The following CADM2 variants were observed in gnomAD, a reference collection of about 807,000 sequenced individuals.
CADM2 encodes the protein immunoglobulin superfamily member 4D.
Under a neutral mutation model 49.8 loss-of-function variants are expected in CADM2, and 12 were observed. The observed-to-expected ratio is 0.24, with a 90% confidence interval of 0.15 to 0.39. The LOEUF is 0.39. CADM2 is among the 10% of genes least tolerant of loss of function. The probability of loss-of-function intolerance (pLI) is 1.00; values close to 1 mark genes in which losing one functional copy is unlikely to be tolerated. For missense variants in CADM2, 378 were observed against 492.3 expected (o/e 0.77, Z 2.20); for synonymous variants, 214 against 175.4 (o/e 1.22, Z -1.74).
At chr3:85,014,422 A>G (rs2034153191) in intron 1 of CADM2, among the ~76,000 whole-genome samples, 1 of 152,128 alleles carries the variant, frequency 6.6e-6, no homozygotes, top group African/African-American at 2.4e-5. Context: ...ATAAGTATGT[A>G]CACATAGGAA....
chr3:85,361,631 G>A (rs1257579517), intron 1 of CADM2, among the ~76,000 whole-genome samples: 1 of 152,068 alleles, frequency 6.6e-6, no homozygotes. Flanking sequence ...CATGTGAGAG[G>A]GTGGCTTTCT....
intron 3 of CADM2, among the ~76,000 whole-genome samples, chr3:85,847,360 G>A (rs1435015297): frequency 6.6e-6 from 1 of 152,148 alleles, no homozygotes; most frequent in Non-Finnish European, 1.5e-5. Context: ...TAGTGATCTA[G>A]GTAAGATTTG....
At chr3:85,991,867 A>C (rs1041471946) in intron 8 of CADM2, among the ~76,000 whole-genome samples, 2 of 152,046 alleles carry the variant, frequency 1.3e-5, no homozygotes, top group Non-Finnish European at 2.9e-5. Flanking sequence ...CTCACTACTC[A>C]TCTTTGATAT....
At chr3:85,228,503 G>A (rs932384141) in intron 1 of CADM2, among the ~76,000 whole-genome samples, 1 of 151,834 alleles carries the variant, frequency 6.6e-6, no homozygotes, top group African/African-American at 2.4e-5. Context: ...GGGATTTGGT[G>A]TGGACGTCCT....
chr3:85,680,672 A>C (rs905852614), intron 1 of CADM2, among the ~76,000 whole-genome samples: 2 of 152,170 alleles, frequency 1.3e-5, no homozygotes, highest in Non-Finnish European at 2.9e-5. Flanking sequence ...TTTTAATAGA[A>C]CTTTGCTTTG....
chr3:85,301,160 A>G (rs1373834565), intron 1 of CADM2, among the ~76,000 whole-genome samples: 1 of 152,100 alleles, frequency 6.6e-6, no homozygotes, highest in Non-Finnish European at 1.5e-5. Flanking sequence ...TGAGGGGCCT[A>G]CATTTCAGGA....
intron 1 of CADM2, among the ~76,000 whole-genome samples, chr3:85,212,230 C>T (rs149333846): frequency 6.6e-6 from 1 of 152,116 alleles, no homozygotes; most frequent in African/African-American, 2.4e-5. Flanking sequence ...TATTCGGCCA[C>T]CCTAAGTCTA....
At chr3:85,209,130 C>T (rs1452716983) in intron 1 of CADM2, among the ~76,000 whole-genome samples, 2 of 152,012 alleles carry the variant, frequency 1.3e-5, no homozygotes, top group Admixed American at 6.6e-5. Context: ...TTTGTTTTTC[C>T]TCCAAAATAC....
intron 1 of CADM2, among the ~76,000 whole-genome samples, chr3:85,664,148 G>A (rs2065493030): frequency 6.6e-6 from 1 of 151,890 alleles, no homozygotes; most frequent in Non-Finnish European, 1.5e-5. Flanking sequence ...CTTTGGCTAA[G>A]TCCCTGGACT....
At chr3:85,819,884 G>C (rs1213463856) in intron 3 of CADM2, among the ~76,000 whole-genome samples, 1 of 152,108 alleles carries the variant, frequency 6.6e-6, no homozygotes, top group Non-Finnish European at 1.5e-5. Flanking sequence ...CAAAATAAAT[G>C]AGTGAACATA....
chr3:85,165,037 C>T (rs889145314), intron 1 of CADM2, among the ~76,000 whole-genome samples: 1 of 151,064 alleles, frequency 6.6e-6, no homozygotes, highest in Non-Finnish European at 1.5e-5. Flanking sequence ...AAAAGTACTC[C>T]GAAATTTAAA....
chr3:85,419,052 T>C (rs908020298), intron 1 of CADM2, among the ~76,000 whole-genome samples: 8 of 152,120 alleles, frequency 5.3e-5, no homozygotes, highest in Admixed American at 5.2e-4. Flanking sequence ...GGCCTGCTGG[T>C]TTAAACTGCC....
intron 1 of CADM2, among the ~76,000 whole-genome samples, chr3:85,606,521 A>T (rs1288996041): frequency 6.6e-6 from 1 of 152,170 alleles, no homozygotes; most frequent in Non-Finnish European, 1.5e-5. Flanking sequence ...TGTTTTGGCC[A>T]AGAATCACAC....
intron 1 of CADM2, among the ~76,000 whole-genome samples, chr3:85,111,694 TAG>T (rs2038464800): frequency 6.6e-6 from 1 of 151,762 alleles, no homozygotes; most frequent in African/African-American, 2.4e-5. Context: ...GATAGCACAA[TAG>T]AGTGACTGTA....
intron 1 of CADM2, among the ~76,000 whole-genome samples, chr3:84,993,538 C>T (rs1216045422): frequency 6.6e-6 from 1 of 152,142 alleles, no homozygotes; most frequent in Non-Finnish European, 1.5e-5. Context: ...TTGAGCAACA[C>T]TCTGGTGGTA....
intron 1 of CADM2, 61 bp downstream of exon 1, chr3:84,959,729 C>T: frequency 1.4e-6 from 2 of 1,435,824 alleles, no homozygotes; most frequent in Non-Finnish European, 1.9e-6. Context: ...CTTCCCCATT[C>T]CACCCCATAT....
At chr3:85,037,685 CT>C (rs2107350714) in intron 1 of CADM2, among the ~76,000 whole-genome samples, 1 of 152,166 alleles carries the variant, frequency 6.6e-6, no homozygotes, top group South Asian at 2.1e-4. Context: ...TGTTTGTCCC[CT>C]TTATCTTATT....
chr3:85,804,030 G>A (rs552514060), intron 3 of CADM2, among the ~76,000 whole-genome samples: 1 of 152,144 alleles, frequency 6.6e-6, no homozygotes, highest in African/African-American at 2.4e-5. Context: ...AACAAATGAA[G>A]TTCTACTAGT....
At chr3:85,516,512 G>C (rs2060907120) in intron 1 of CADM2, among the ~76,000 whole-genome samples, 2 of 152,022 alleles carry the variant, frequency 1.3e-5, no homozygotes, top group African/African-American at 4.8e-5. Flanking sequence ...AAAACTAATT[G>C]CTCAATATCA....
Sources: gnomAD v4.1 joint callset for allele counts (sites outside exome capture counted in the v4.1 genomes callset) on GRCh38, gnomAD v4.1.1 for gene constraint, MANE v1.5 for transcripts, NCBI Gene and HGNC (gene_info 2026-07-23, HGNC 2026-07-21) for gene names.